Variants in TEX10 observed in about 807,000 individuals in gnomAD.
The protein encoded by TEX10 is testis expressed 10.
A neutral mutation model predicts 104.4 loss-of-function variants in TEX10; 24 were observed. That is an observed-to-expected ratio of 0.23 (90% CI 0.17 to 0.32). The LOEUF is 0.32. Ranked by LOEUF, TEX10 falls within the 10% of genes least tolerant of loss-of-function variation. The probability of loss-of-function intolerance (pLI) is 1.00; values close to 1 mark genes in which losing one functional copy is unlikely to be tolerated. For synonymous variants in TEX10, 396 were observed against 393.4 expected, an observed-to-expected ratio of 1.01 and a Z score of -0.08; for missense variants, 921 against 1,083.9, an observed-to-expected ratio of 0.85 and a Z score of 2.11.
chr9:100,318,750 A>G (rs1834487495), intron 11 of TEX10, among the ~76,000 whole-genome samples: 1 of 152,258 alleles, frequency 6.6e-6, no homozygotes, highest in African/African-American at 2.4e-5. Flanking sequence ...GCAAAAGATC[A>G]GCCTTATAAT....
intron 12 of TEX10, 23 bp downstream of exon 12, chr9:100,310,276 A>AGAAAAAGTTTAAG: frequency 6.2e-7 from 1 of 1,604,006 alleles, no homozygotes; most frequent in Non-Finnish European, 8.5e-7. Context: ...CATTCTTAAG[A>AGAAAAAGTTTAAG]GAAAAAGTTT....
Position 100,340,238 on chromosome 9 carries a change from T to C in TEX10, c.1250+19A>G. On this transcript the variant is annotated intron_variant, in intron 5 of 14. Transcript: ENST00000374902. The stretch of plus-strand genomic sequence containing the variant: ...TAAACAGCTTTTCAAGGTTATACAG[T>C]GAAAAAGAATCATAATACCTTTTAT... 6.8e-7 allele frequency: 1 copy of C among 1,468,580 alleles called. No individual in the cohort carries two copies. Among genetic ancestry groups the C allele is most frequent in the African/African-American group, 1.5e-5 (1 of 68,684 alleles). The allele number at this position is 1,468,580 out of a possible 1,614,324, so 91.0% of individuals were successfully genotyped here. A position where few individuals can be genotyped will look rare whatever the true frequency, so the allele number is the denominator to read the frequency against.
intron 11 of TEX10, among the ~76,000 whole-genome samples, chr9:100,317,044 A>G (rs1297521575): frequency 6.6e-6 from 1 of 152,174 alleles, no homozygotes; most frequent in African/African-American, 2.4e-5. Flanking sequence ...AAAGACTGAC[A>G]TCGTTAAAAT....
intron 9 of TEX10, among the ~76,000 whole-genome samples, chr9:100,322,978 T>C (rs1419237390): frequency 2.0e-5 from 3 of 152,132 alleles, no homozygotes. Context: ...TTGAGTGTCA[T>C]TCCCAGGTGA....
At chr9:100,318,963 G>A (rs1468124425) in intron 11 of TEX10, among the ~76,000 whole-genome samples, 1 of 151,990 alleles carries the variant, frequency 6.6e-6, no homozygotes, top group African/African-American at 2.4e-5. Flanking sequence ...AAGCCAAGAT[G>A]GGAGGATCAC....
At chr9:100,313,524 A>G (rs1834333326) in intron 11 of TEX10, among the ~76,000 whole-genome samples, 1 of 151,124 alleles carries the variant, frequency 6.6e-6, no homozygotes. Flanking sequence ...AAAAAAAAAA[A>G]AAAGAAAAAG....
intron 9 of TEX10, among the ~76,000 whole-genome samples, chr9:100,325,172 C>G (rs1647786364): frequency 6.6e-6 from 1 of 152,174 alleles, no homozygotes; most frequent in Non-Finnish European, 1.5e-5. Flanking sequence ...GTAAGCTACT[C>G]TTACCTACCT....
At chr9:100,335,197 A>G (rs1221003255) in intron 5 of TEX10, among the ~76,000 whole-genome samples, 4 of 152,108 alleles carry the variant, frequency 2.6e-5, no homozygotes, top group African/African-American at 9.7e-5. Context: ...TGCGTTCTCA[A>G]GGGTCAAGAC....
chr9:100,346,325 G>T lies in TEX10; in HGVS notation c.894-10C>A. 6.3e-7 allele frequency: 1 copy of T among 1,583,680 alleles called. No individual in the cohort carries two copies. The highest frequency in any genetic ancestry group is 8.6e-7 in the Non-Finnish European group (1 of 1,169,440). On this transcript the variant is annotated splice_polypyrimidine_tract_variant and intron_variant, in intron 3 of 14. Transcript: ENST00000374902. ...TCCTCCAACCAGATACCTAATAAGGGTAAGAAAGAAAAAAATTAAGTGATT... is the reference window on the plus strand; with the variant it reads ...TCCTCCAACCAGATACCTAATAAGGTTAAGAAAGAAAAAAATTAAGTGATT...
intron 5 of TEX10, 138 bp from the exon 6 acceptor site, chr9:100,330,307 T>C (rs1834824353): frequency 1.3e-5 from 9 of 695,434 alleles, no homozygotes; most frequent in Admixed American, 2.4e-5. Flanking sequence ...GATAGGTGCA[T>C]AGGCAAGACT....
intron 5 of TEX10, among the ~76,000 whole-genome samples, chr9:100,333,056 G>T (rs1485886406): frequency 6.6e-6 from 1 of 151,958 alleles, no homozygotes; most frequent in African/African-American, 2.4e-5. Flanking sequence ...CCAGGCTGGA[G>T]TGCAGTGGCA....
chr9:100,315,889 T>C (rs930281120), intron 11 of TEX10, among the ~76,000 whole-genome samples: 5 of 152,222 alleles, frequency 3.3e-5, no homozygotes, highest in African/African-American at 1.2e-4. Flanking sequence ...TGAAGTCCTT[T>C]CTGCAATGTA....
At chr9:100,315,981 G>A (rs901329243) in intron 11 of TEX10, among the ~76,000 whole-genome samples, 1 of 152,190 alleles carries the variant, frequency 6.6e-6, no homozygotes, top group Non-Finnish European at 1.5e-5. Context: ...CAATTACTTT[G>A]TTGGCTAGGT....
chr9:100,339,274 A>AAAAAAAAATATAT (rs1835101688), intron 5 of TEX10, among the ~76,000 whole-genome samples: 1 of 91,702 alleles, frequency 1.1e-5, no homozygotes, highest in Admixed American at 1.2e-4. Context: ...AAAAAAAAAA[A>AAAAAAAAATATAT]GTATATATAT....
Position 100,340,718 on chromosome 9 carries a change from A to G in TEX10, c.1138-349T>C, listed in dbSNP as rs116076907. ...TTCTCCCTGATGTTCTGTCTACACC[A>G]TAACTCTATTCTCCAGCAATTCCAT... On this transcript the variant is annotated intron_variant, in intron 4 of 14. Transcript: ENST00000374902. Among the ~76,000 whole-genome samples the G allele has an allele frequency of 7.3e-3, 1,105 of 152,340 alleles. 10 individuals are homozygous for G. The highest frequency in any genetic ancestry group is 0.025 in the African/African-American group (1,019 of 41,584).
chr9:100,344,735 A>G (rs1270727517), intron 4 of TEX10, among the ~76,000 whole-genome samples: 2 of 152,154 alleles, frequency 1.3e-5, no homozygotes, highest in African/African-American at 2.4e-5. Flanking sequence ...AAGCCTAGCT[A>G]CTCAAGAGGC....
At chr9:100,310,469 C>T in intron 11 of TEX10, 90 bp from the exon 12 acceptor site, 1 of 1,200,884 alleles carries the variant, frequency 8.3e-7, no homozygotes, top group South Asian at 1.3e-5. Context: ...GACAGAGTTT[C>T]ACTCTGTCGC....
At chr9:100,337,954 T>C (rs1319429984) in intron 5 of TEX10, among the ~76,000 whole-genome samples, 1 of 152,240 alleles carries the variant, frequency 6.6e-6, no homozygotes, top group East Asian at 1.9e-4. Flanking sequence ...ACTTTTATAC[T>C]GCTTTGTGTT....
chr9:100,335,178 T>C (rs1834975523), intron 5 of TEX10, among the ~76,000 whole-genome samples: 1 of 152,202 alleles, frequency 6.6e-6, no homozygotes, highest in South Asian at 2.1e-4. Flanking sequence ...ACACAGAATA[T>C]TAAAAATATG....
Sources: allele counts gnomAD v4.1 joint callset (sites outside exome capture counted in the v4.1 genomes callset), GRCh38; gene constraint gnomAD v4.1.1; transcripts MANE v1.5; gene names NCBI Gene and HGNC (gene_info 2026-07-23, HGNC 2026-07-21).